CLDN11: variants seen among roughly 807,000 people sequenced by gnomAD.
CLDN11 encodes claudin 11.
CLDN11 carries 1 observed loss-of-function variant against 18.0 expected under a neutral mutation model. The ratio of observed to expected loss-of-function variants is 0.06; its 90% CI spans 0.02 to 0.26. The LOEUF is 0.26. Ranked by LOEUF, CLDN11 falls within the 10% of genes least tolerant of loss-of-function variation. The pLI, the probability that CLDN11 is intolerant of heterozygous loss-of-function variation, is 1.00. For synonymous variants in CLDN11, 116 were observed against 121.5 expected, an observed-to-expected ratio of 0.96 and a Z score of 0.30; for missense variants, 172 against 276.6, an observed-to-expected ratio of 0.62 and a Z score of 2.68.
rs758889505 is a variant in CLDN11 at position 170,432,656 on chromosome 3, T to A, written c.524T>A (p.Ile175Asn). The change falls in exon 3 of 3, where the codon ATC (isoleucine) becomes AAC (asparagine). Residue 175 changes from isoleucine (I) to asparagine (N), a missense_variant. Ile to Asn is a moderately radical substitution (Grantham distance 149). Coordinates refer to ENST00000064724, the MANE Select transcript of CLDN11 (RefSeq NM_005602.6). ...AVLCLVGGCVILCCAGDAQAF... is the reference protein window; with the variant it reads ...AVLCLVGGCVNLCCAGDAQAF... ...CTGTGCCTCGTGGGTGGCTGTGTCATCCTCTGCTGCGCTGGAGATGCCCAG... is the reference window on the plus strand; with the variant it reads ...CTGTGCCTCGTGGGTGGCTGTGTCAACCTCTGCTGCGCTGGAGATGCCCAG... 4 of 1,614,026 alleles carry A rather than the reference T, an allele frequency of 2.5e-6. No individual in the cohort carries two copies. The highest frequency in any genetic ancestry group is 3.4e-6 in the Non-Finnish European group (4 of 1,180,018).
In CLDN11 at chr3:170,419,183, C is replaced by T. The variant is rs1268452445; in HGVS notation, c.117C>T (p.Pro39=). 1 of 1,558,994 alleles carries T rather than the reference C, an allele frequency of 6.4e-7. No homozygotes were observed. ...TGGTGACCTGCGGCTACACCATCCC[C>T]ACCTGCCGCAAGCTGGATGAGCTGG... ...DWVVTCGYTI[P]TCRKLDELGS... The change falls in exon 1 of 3, where the codon CCC becomes CCT. Residue 39 remains proline, a synonymous_variant. Transcript: ENST00000064724. This position sits in a 1 kb window ranked among gnomAD's most constrained non-coding sequence, Gnocchi z 8.6.
intron 2 of CLDN11, among the ~76,000 whole-genome samples, chr3:170,424,547 T>C (rs1325698805): frequency 6.6e-6 from 1 of 152,216 alleles, no homozygotes; most frequent in Non-Finnish European, 1.5e-5. Flanking sequence ...TCCGTTTTTT[T>C]CCCTCAGATG....
intron 2 of CLDN11, among the ~76,000 whole-genome samples, chr3:170,427,433 C>G (rs1480645338): frequency 6.6e-6 from 1 of 152,036 alleles, no homozygotes; most frequent in Non-Finnish European, 1.5e-5. Context: ...ACCAGCCTGA[C>G]CAACATGGAG....
intron 2 of CLDN11, among the ~76,000 whole-genome samples, chr3:170,425,724 C>T (rs1331931013): frequency 6.6e-6 from 1 of 152,206 alleles, no homozygotes. Context: ...TCCGGACACT[C>T]ACCAGAGTCC....
intron 2 of CLDN11, among the ~76,000 whole-genome samples, chr3:170,424,629 C>T (rs1035813384): frequency 2.0e-5 from 3 of 152,118 alleles, no homozygotes; most frequent in Non-Finnish European, 2.9e-5. Flanking sequence ...TTGCAAAGTG[C>T]GCATATCAGT....
intron 2 of CLDN11, among the ~76,000 whole-genome samples, chr3:170,424,472 G>A (rs1474300020): frequency 1.3e-5 from 2 of 152,128 alleles, no homozygotes; most frequent in African/African-American, 4.8e-5. Flanking sequence ...TGCACATAAA[G>A]GGCTTCATTT....
At chr3:170,424,566 A>T (rs1451139542) in intron 2 of CLDN11, among the ~76,000 whole-genome samples, 5 of 152,192 alleles carry the variant, frequency 3.3e-5, no homozygotes, top group Admixed American at 3.3e-4. Flanking sequence ...TGCTAGTTTC[A>T]TTAGCACATT....
At chr3:170,420,528 C>A (rs1738699388) in intron 1 of CLDN11, among the ~76,000 whole-genome samples, 1 of 152,154 alleles carries the variant, frequency 6.6e-6, no homozygotes, top group Admixed American at 6.5e-5. Context: ...CACAAAGGCA[C>A]ATTTTATCTT....
intron 1 of CLDN11, among the ~76,000 whole-genome samples, chr3:170,420,043 C>T (rs1344535549): frequency 1.3e-5 from 2 of 152,246 alleles, no homozygotes; most frequent in Non-Finnish European, 2.9e-5. Flanking sequence ...GGGCGGACTC[C>T]ACTGGGGAGA....
chr3:170,421,565 T>C (rs987669587), intron 1 of CLDN11, among the ~76,000 whole-genome samples: 6 of 152,214 alleles, frequency 3.9e-5, no homozygotes, highest in African/African-American at 1.4e-4. Flanking sequence ...TAGGCCTTTT[T>C]GCACGTGAGG....
In CLDN11 at chr3:170,419,084, G is replaced by A. The variant is rs1450254924; in HGVS notation, c.18G>A (p.Leu6=). ...CGGCCACCATGGTGGCCACGTGCCTGCAGGTGGTGGGCTTCGTCACGAGCT... is the reference window on the plus strand; with the variant it reads ...CGGCCACCATGGTGGCCACGTGCCTACAGGTGGTGGGCTTCGTCACGAGCT... MVATC[L]QVVGFVTSFV... The change falls in exon 1 of 3, where the codon CTG becomes CTA. Residue 6 remains leucine (L), a synonymous_variant. Transcript: ENST00000064724. This position sits in a 1 kb window ranked among gnomAD's most constrained non-coding sequence, Gnocchi z 8.6. 6.4e-7 allele frequency: 1 copy of A among 1,550,728 alleles called. No individual in the cohort carries two copies. The highest frequency in any genetic ancestry group is 2.0e-5 in the Admixed American group (1 of 51,020).
rs1738671383 is a variant in CLDN11 at position 170,419,626 on chromosome 3, G to T, written c.226+334G>T. ...CCCAGCCCGCATCCTTCCACCGTCC[G>T]CTTCCCGAAGTGCTTCCCGCTCCCG... On this transcript the variant is annotated intron_variant, in intron 1 of 2. Transcript: ENST00000064724. The surrounding 1 kb of genome is among the most constrained non-coding windows in gnomAD (Gnocchi z 8.6). Among the ~76,000 whole-genome samples, 1 of 152,240 alleles carries T rather than the reference G, an allele frequency of 6.6e-6. No individual in the cohort carries two copies. The highest frequency in any genetic ancestry group is 1.5e-5 in the Non-Finnish European group (1 of 68,038).
intron 2 of CLDN11, among the ~76,000 whole-genome samples, chr3:170,426,165 C>T (rs542600150): frequency 6.6e-6 from 1 of 152,328 alleles, no homozygotes; most frequent in South Asian, 2.1e-4. Context: ...AGTGTCACAG[C>T]TAGTCCTGGT....
rs1739077118 is a variant in CLDN11 at position 170,434,136 on chromosome 3, T to C, written c.*1380T>C. On this transcript the variant is annotated 3_prime_UTR_variant, in exon 3 of 3. Coordinates refer to ENST00000064724, the MANE Select transcript of CLDN11 (RefSeq NM_005602.6). ...TCTTCTGTTGTATCCAGAGGTATCA[T>C]TATTGATTTAAAAAAATCTCATTAA... 6.6e-6 allele frequency: 1 copy of C among 152,514 alleles called. No homozygotes were observed. The highest frequency in any genetic ancestry group is 1.5e-5 in the Non-Finnish European group (1 of 68,036). The allele number at this position is 152,514 out of a possible 1,614,324, so 9.4% of individuals were successfully genotyped here.
At chr3:170,426,326 C>T (rs1299210757) in intron 2 of CLDN11, among the ~76,000 whole-genome samples, 1 of 152,206 alleles carries the variant, frequency 6.6e-6, no homozygotes, top group Non-Finnish European at 1.5e-5. Flanking sequence ...TTGGTTCCTG[C>T]TGTGGAGGAA....
chr3:170,431,106 CA>C (rs995873033), intron 2 of CLDN11, among the ~76,000 whole-genome samples: 7 of 151,978 alleles, frequency 4.6e-5, no homozygotes, highest in Non-Finnish European at 8.8e-5. Flanking sequence ...AAAGGTCTTT[CA>C]AAATGGGTAA....
In CLDN11 at chr3:170,418,871, G is replaced by T. The variant is rs1264181453; in HGVS notation, c.-196G>T. ...GGGCGGGGGCGCGCTGCCCAGCAGC[G>T]CTGCTGTCCCCGCCGTGCGCCCTTC... On this transcript the variant is annotated 5_prime_UTR_variant, in exon 1 of 3. Transcript: ENST00000064724. The surrounding 1 kb of genome is among the most constrained non-coding windows in gnomAD (Gnocchi z 4.3). The T allele has an allele frequency of 2.0e-6, 1 of 506,342 alleles. No homozygotes were observed. 31.4% of individuals were successfully genotyped at this position (506,342 alleles called of 1,614,324 possible).
At chr3:170,426,085 A>T (rs1577470668) in intron 2 of CLDN11, among the ~76,000 whole-genome samples, 1 of 152,238 alleles carries the variant, frequency 6.6e-6, no homozygotes. Flanking sequence ...ATGGGGCTGA[A>T]CAAACACACC....
chr3:170,425,198 T>C (rs1738823025), intron 2 of CLDN11, among the ~76,000 whole-genome samples: 1 of 152,164 alleles, frequency 6.6e-6, no homozygotes, highest in African/African-American at 2.4e-5. Context: ...AGAATCCAGG[T>C]GAAACCCTTC....
Sources: gnomAD v4.1 joint callset for allele counts (sites outside exome capture counted in the v4.1 genomes callset) on GRCh38, gnomAD v4.1.1 for gene constraint, Gnocchi (gnomAD v3.1) non-coding constraint, MANE v1.5 for transcripts, NCBI Gene and HGNC (gene_info 2026-07-23, HGNC 2026-07-21) for gene names.